The following NACC2 variants were observed in gnomAD, a reference collection of about 807,000 sequenced individuals.
NACC2 encodes nucleus accumbens-associated protein 2.
NACC2 carries 8 observed loss-of-function variants against 25.1 expected under a neutral mutation model. That is an observed-to-expected ratio of 0.32 (90% CI 0.19 to 0.57). NACC2 has a LOEUF of 0.57. Ranked by LOEUF, NACC2 falls within the 20% of genes least tolerant of loss-of-function variation. The pLI, the probability that NACC2 is intolerant of heterozygous loss-of-function variation, is 0.89. For synonymous variants in NACC2, 435 were observed against 294.7 expected (o/e 1.48, Z -4.88); for missense variants, 644 against 650.2 (o/e 0.99, Z 0.10).
chr9:136,044,709 A>G (rs982673573), intron 2 of NACC2, among the ~76,000 whole-genome samples: 1 of 152,232 alleles, frequency 6.6e-6, no homozygotes, highest in Non-Finnish European at 1.5e-5. Context: ...TGGGAACCCC[A>G]AACAACAGTC....
At chr9:136,094,804 C>T (rs1339978963) in intron 1 of NACC2, among the ~76,000 whole-genome samples, 1 of 151,912 alleles carries the variant, frequency 6.6e-6, no homozygotes, top group Non-Finnish European at 1.5e-5. Context: ...GCTGGATCGG[C>T]CAGTCGGGTC....
chr9:136,074,262 A>G (rs1830232071), intron 1 of NACC2, among the ~76,000 whole-genome samples: 1 of 150,534 alleles, frequency 6.6e-6, no homozygotes, highest in African/African-American at 2.4e-5. Flanking sequence ...CATCCTGGCT[A>G]ACACGGTGAA....
intron 1 of NACC2, among the ~76,000 whole-genome samples, chr9:136,066,136 T>A (rs1353714604): frequency 2.1e-5 from 3 of 146,122 alleles, no homozygotes; most frequent in Non-Finnish European, 4.5e-5. Context: ...GAGGTTGCAA[T>A]GAGCCACAAA....
chr9:136,073,910 G>A (rs1474021309), intron 1 of NACC2, among the ~76,000 whole-genome samples: 1 of 152,194 alleles, frequency 6.6e-6, no homozygotes, highest in Admixed American at 6.5e-5. Flanking sequence ...GCAGTAAGCG[G>A]TGATCCTTCC....
Position 136,055,849 on chromosome 9 carries a change from G to A in NACC2, c.-59-5269C>T, listed in dbSNP as rs530734331. On this transcript the variant is annotated intron_variant, in intron 1 of 5. Coordinates refer to ENST00000277554, the MANE Select transcript of NACC2 (RefSeq NM_144653.5). This position sits in a 1 kb window ranked among gnomAD's most constrained non-coding sequence, Gnocchi z 4.9. The stretch of plus-strand genomic sequence containing the variant: ...GACTGCCTGGCAGTTAGTTAAGTGA[G>A]GACATCTCCTAAAAGGTCAATCGAA... 2.0e-5 allele frequency among the ~76,000 whole-genome samples: 3 copies of A among 152,262 alleles called. No homozygotes were observed. Among genetic ancestry groups the A allele is most frequent in the African/African-American group, 4.8e-5 (2 of 41,548 alleles).
chr9:136,054,342 T>G (rs1840892738), intron 1 of NACC2, among the ~76,000 whole-genome samples: 1 of 152,212 alleles, frequency 6.6e-6, no homozygotes, highest in African/African-American at 2.4e-5. Context: ...CGAGGACAAC[T>G]GGAGCTTTTG....
At position 136,008,993 on chromosome 9, in the gene NACC2, G is replaced by A. The variant is rs10858200; in HGVS notation, c.*2523C>T. The A allele has an allele frequency of 0.09, 13,743 of 152,394 alleles. 704 individuals carry two copies. Among genetic ancestry groups the A allele is most frequent in the Middle Eastern group, 0.15 (45 of 294 alleles). 9.4% of individuals were successfully genotyped at this position (152,394 alleles called of 1,614,324 possible). On this transcript the variant is annotated 3_prime_UTR_variant, in exon 6 of 6. Coordinates refer to ENST00000277554, the MANE Select transcript of NACC2 (RefSeq NM_144653.5). ...GGAAGGGGCACGGGACATTGTGCGG[G>A]CCTGAACAGCAGTCAGGCGTCCTCT... is the stretch of plus-strand genomic sequence containing the variant.
chr9:136,085,620 G>A (rs922198873), intron 1 of NACC2, among the ~76,000 whole-genome samples: 12 of 152,354 alleles, frequency 7.9e-5, no homozygotes, highest in African/African-American at 2.9e-4. Context: ...GGCTGCCAGG[G>A]GGTGGGTACA....
chr9:136,045,810 C>T (rs1840714014), intron 2 of NACC2, among the ~76,000 whole-genome samples: 1 of 152,196 alleles, frequency 6.6e-6, no homozygotes, highest in African/African-American at 2.4e-5. Flanking sequence ...ATGACCGTCT[C>T]GGCTGTTGCA....
chr9:136,040,116 C>T (rs921059863), intron 2 of NACC2, among the ~76,000 whole-genome samples: 11 of 152,214 alleles, frequency 7.2e-5, no homozygotes, highest in Admixed American at 4.6e-4. Context: ...GAGGCTGAGG[C>T]GGGTGGATTA....
intron 1 of NACC2, among the ~76,000 whole-genome samples, chr9:136,075,012 C>T (rs1179628666): frequency 1.3e-5 from 2 of 152,176 alleles, no homozygotes; most frequent in Non-Finnish European, 2.9e-5. Flanking sequence ...CGGATCCTCA[C>T]GAAACAGTGA....
chr9:136,073,164 G>C (rs1004463382), intron 1 of NACC2, among the ~76,000 whole-genome samples: 14 of 152,086 alleles, frequency 9.2e-5, no homozygotes, highest in African/African-American at 3.4e-4. Context: ...ATGGTGGCAC[G>C]TGCTTGTAGT....
intron 2 of NACC2, among the ~76,000 whole-genome samples, chr9:136,047,531 C>T (rs1382793924): frequency 2.0e-5 from 3 of 152,214 alleles, no homozygotes; most frequent in Non-Finnish European, 2.9e-5. Flanking sequence ...CAGCGACACC[C>T]GTGCAAAGGC....
rs2131189545 is a variant in NACC2 at position 136,086,127 on chromosome 9, C to A, written c.-60+9062G>T. ...CCTCGGGCTGGAGAAAACCAAGTCA[C>A]CCCTGGGGACCCTTGTTGGACATTC... On this transcript the variant is annotated intron_variant, in intron 1 of 5. Transcript: ENST00000277554. The surrounding 1 kb of genome is among the most constrained non-coding windows in gnomAD (Gnocchi z 5.6). Among the ~76,000 whole-genome samples, 1 of 152,374 alleles carries A rather than the reference C, an allele frequency of 6.6e-6. No individual in the cohort carries two copies. The highest frequency in any genetic ancestry group is 2.1e-4 in the South Asian group (1 of 4,832).
intron 1 of NACC2, among the ~76,000 whole-genome samples, chr9:136,091,952 C>T (rs776189272): frequency 6.6e-6 from 1 of 152,242 alleles, no homozygotes; most frequent in South Asian, 2.1e-4. Flanking sequence ...CCTCGCTCCC[C>T]GGCCCCCACA....
At chr9:136,088,793 G>A (rs908716604) in intron 1 of NACC2, among the ~76,000 whole-genome samples, 1 of 152,162 alleles carries the variant, frequency 6.6e-6, no homozygotes, top group African/African-American at 2.4e-5. Flanking sequence ...CGTGGAGGGC[G>A]GGATGGGCAG....
chr9:136,044,161 G>A (rs1345623149), intron 2 of NACC2, among the ~76,000 whole-genome samples: 1 of 152,084 alleles, frequency 6.6e-6, no homozygotes, highest in Non-Finnish European at 1.5e-5. Flanking sequence ...AGGCGGGGAG[G>A]AGAGAACAAT....
At position 136,071,576 on chromosome 9, in the gene NACC2, G is replaced by A. The variant is rs971931394; in HGVS notation, c.-59-20996C>T. 2.0e-5 allele frequency among the ~76,000 whole-genome samples: 3 copies of A among 146,762 alleles called. No homozygotes were observed. In the Admixed American group the frequency reaches 2.0e-4, roughly 10 times the overall value. On this transcript the variant is annotated intron_variant, in intron 1 of 5. Transcript: ENST00000277554. Reference sequence around the variant, plus strand: ...AAAAAAAAAAAAAAAATACCAGCAAGACCTTTTGTAAATATAGATGAGCTC... The same window carrying A: ...AAAAAAAAAAAAAAAATACCAGCAAAACCTTTTGTAAATATAGATGAGCTC...
intron 1 of NACC2, among the ~76,000 whole-genome samples, chr9:136,066,066 G>A (rs1203006300): frequency 6.6e-6 from 1 of 151,820 alleles, no homozygotes; most frequent in African/African-American, 2.4e-5. Context: ...GGTGGTGGGT[G>A]CCTGTAACCC....
Sources: gnomAD v4.1 joint callset for allele counts (sites outside exome capture counted in the v4.1 genomes callset) on GRCh38, gnomAD v4.1.1 for gene constraint, Gnocchi (gnomAD v3.1) non-coding constraint, MANE v1.5 for transcripts, NCBI Gene and HGNC (gene_info 2026-07-23, HGNC 2026-07-21) for gene names.